The following DLGAP3 variants were observed in gnomAD, a reference collection of about 807,000 sequenced individuals.
DLGAP3 encodes DLG associated protein 3, also known as disks large-associated protein 3.
A neutral mutation model predicts 81.2 loss-of-function variants in DLGAP3; 17 were observed. That is an observed-to-expected ratio of 0.21 (90% confidence interval 0.14 to 0.31). The LOEUF (loss-of-function observed/expected upper bound fraction) is 0.31. Among genes scored for constraint, DLGAP3 ranks in the 10% least tolerant of loss-of-function variants. The pLI is 1.00. For synonymous variants in DLGAP3, 577 were observed against 587.4 expected, an observed-to-expected ratio of 0.98 and a Z score of 0.26; for missense variants, 1,124 against 1,388.0, an observed-to-expected ratio of 0.81 and a Z score of 3.02.
chr1:34,919,122 T>C (rs1639763012), intron 1 of DLGAP3, among the ~76,000 whole-genome samples: 1 of 151,832 alleles, frequency 6.6e-6, no homozygotes, highest in Non-Finnish European at 1.5e-5. Flanking sequence ...TGCAGCACCC[T>C]GGCCCCTAGC....
At position 34,925,411 on chromosome 1, in the gene DLGAP3, G is replaced by T. The variant is rs973094730; in HGVS notation, c.-135+4040C>A. 2.0e-5 allele frequency: 3 copies of T among 152,740 alleles called. No individual in the cohort carries two copies. The East Asian group carries it at 5.8e-4, about 30-fold the overall frequency. The allele number at this position is 152,740 out of a possible 1,614,324, so 9.5% of individuals were successfully genotyped here. The stretch of plus-strand genomic sequence containing the variant: ...AGCCCTGCAGACAGATGTGGTGGGG[G>T]GAGGCAGAGAGAGGTAGCTCCCCAC... On this transcript the variant is annotated intron_variant, in intron 1 of 11. Coordinates refer to ENST00000373347, the MANE Select transcript of DLGAP3 (RefSeq NM_001080418.3).
chr1:34,895,365 CA>C lies in DLGAP3; in HGVS notation c.1386+4303del, dbSNP rs547362741. On this transcript the variant is annotated intron_variant, in intron 5 of 11. Transcript: ENST00000373347. The surrounding 1 kb of genome is among the most constrained non-coding windows in gnomAD (Gnocchi z 4.5). ...CCTGGGCGACAGAGCGAGACTGTCT[CA>C]AAAAAAAAAAAAAATTAAAATAATA... 6.1e-3 allele frequency among the ~76,000 whole-genome samples: 527 copies of C among 86,946 alleles called. 2 individuals carry two copies. Among genetic ancestry groups the C allele is most frequent in the South Asian group, 0.025 (78 of 3,060 alleles). The allele number at this position is 86,946 out of a possible 152,430, so 57.0% of individuals were successfully genotyped here. A position where few individuals can be genotyped will look rare whatever the true frequency, so the allele number is the denominator to read the frequency against.
chr1:34,883,385 G>T (rs1288641661), intron 8 of DLGAP3, among the ~76,000 whole-genome samples: 1 of 152,190 alleles, frequency 6.6e-6, no homozygotes, highest in Non-Finnish European at 1.5e-5. Flanking sequence ...GGATTCAAGG[G>T]TTATTAGGAG....
chr1:34,900,284 AG>A lies in DLGAP3; in HGVS notation c.1108-12del. The stretch of plus-strand genomic sequence containing the variant: ...GTCATCTTGCGGCACCTGCAGGAAC[AG>A]GGGTCTCTGTCTCTCAGACATGACC... On this transcript the variant is annotated splice_polypyrimidine_tract_variant and intron_variant, in intron 3 of 11. Transcript: ENST00000373347. The surrounding 1 kb of genome is among the most constrained non-coding windows in gnomAD (Gnocchi z 5.6). 2 of 1,612,930 alleles carry A rather than the reference AG, an allele frequency of 1.2e-6. No homozygotes were observed. Among genetic ancestry groups the A allele is most frequent in the Non-Finnish European group, 1.7e-6 (2 of 1,179,390 alleles).
intron 1 of DLGAP3, among the ~76,000 whole-genome samples, chr1:34,916,451 T>C (rs781290715): frequency 1.3e-5 from 2 of 152,212 alleles, no homozygotes; most frequent in Non-Finnish European, 2.9e-5. Context: ...GCGCTTTAGA[T>C]GTTTTTCTTC....
At chr1:34,871,431 A>G (rs1328372925) in intron 8 of DLGAP3, among the ~76,000 whole-genome samples, 2 of 152,158 alleles carry the variant, frequency 1.3e-5, no homozygotes, top group African/African-American at 4.8e-5. Context: ...ACTCCTGAGT[A>G]CCACACCTCC....
At chr1:34,880,951 A>G (rs1639135828) in intron 8 of DLGAP3, among the ~76,000 whole-genome samples, 1 of 152,216 alleles carries the variant, frequency 6.6e-6, no homozygotes, top group African/African-American at 2.4e-5. Context: ...TCAGGCATAG[A>G]TAATTTTATA....
At chr1:34,877,253 CAAG>C (rs1252291493) in intron 8 of DLGAP3, among the ~76,000 whole-genome samples, 1 of 152,168 alleles carries the variant, frequency 6.6e-6, no homozygotes, top group Non-Finnish European at 1.5e-5. Flanking sequence ...AGTCGGCAGC[CAAG>C]AAGGTCTGTT....
At chr1:34,898,886 T>C (rs1439176528) in intron 5 of DLGAP3, among the ~76,000 whole-genome samples, 1 of 152,114 alleles carries the variant, frequency 6.6e-6, no homozygotes, top group Non-Finnish European at 1.5e-5. Context: ...TGCATACATT[T>C]TCTCACTGAA....
Position 34,886,324 on chromosome 1 carries a change from C to T in DLGAP3, c.1387-39G>A, listed in dbSNP as rs374857788. 8.6e-4 allele frequency: 1,303 copies of T among 1,520,402 alleles called. 16 individuals carry two copies. In the South Asian group the frequency reaches 0.015, roughly 18 times the overall value. 94.2% of individuals were successfully genotyped at this position (1,520,402 alleles called of 1,614,324 possible). ...GGTCGGGAGGACAGTTATAAGGTGC[C>T]GGGAGGGGGTGGAAGTCCCTGGGGT... On this transcript the variant is annotated intron_variant, in intron 5 of 11. Transcript: ENST00000373347.
At chr1:34,908,545 C>T (rs1639593298) in intron 1 of DLGAP3, among the ~76,000 whole-genome samples, 1 of 152,100 alleles carries the variant, frequency 6.6e-6, no homozygotes. Flanking sequence ...GAAGACGACT[C>T]TGAAGTTTGC....
chr1:34,872,084 G>A (rs949689006), intron 8 of DLGAP3, among the ~76,000 whole-genome samples: 2 of 152,118 alleles, frequency 1.3e-5, no homozygotes, highest in Admixed American at 6.5e-5. Flanking sequence ...TCCAAACCCC[G>A]GGAGAACACG....
chr1:34,879,993 A>G (rs1387448680), intron 8 of DLGAP3, among the ~76,000 whole-genome samples: 2 of 152,208 alleles, frequency 1.3e-5, no homozygotes, highest in Non-Finnish European at 1.5e-5. Context: ...AAAACAAAAA[A>G]CTAGTTTTTT....
At chr1:34,923,723 C>T (rs1414827005) in intron 1 of DLGAP3, among the ~76,000 whole-genome samples, 1 of 152,074 alleles carries the variant, frequency 6.6e-6, no homozygotes. Context: ...GCACCCACAG[C>T]AGAGGAAAAC....
At position 34,904,313 on chromosome 1, in the gene DLGAP3, C is replaced by T. The variant is rs775539165; in HGVS notation, c.1071G>A (p.Glu357=). The change falls in exon 3 of 12, where the codon GAG becomes GAA. Residue 357 remains glutamate (E), a synonymous_variant. Transcript: ENST00000373347. The surrounding 1 kb of genome is among the most constrained non-coding windows in gnomAD (Gnocchi z 8.1). Reference sequence around the variant, plus strand: ...GATAAGTCCTGGCTTTGGCCTTGGTCTCCGGACCCAGGAGCCCCTTGCCTG... The same window carrying T: ...GATAAGTCCTGGCTTTGGCCTTGGTTTCCGGACCCAGGAGCCCCTTGCCTG... ...AGPGKGLLGP[E]TKAKARTYHY... is the part of the protein sequence containing the mutation. The T allele has an allele frequency of 4.5e-5, 73 of 1,608,624 alleles. No individual in the cohort carries two copies. Among genetic ancestry groups the T allele is most frequent in the Non-Finnish European group, 6.0e-5 (71 of 1,180,028 alleles).
At position 34,895,108 on chromosome 1, in the gene DLGAP3, C is replaced by T. The variant is rs1203178619; in HGVS notation, c.1386+4561G>A. ...ATAGGCCAGGAGCATTGGCTCATGC[C>T]TGTAATCCCAGAACTTTGGGAGGCC... On this transcript the variant is annotated intron_variant, in intron 5 of 11. Transcript: ENST00000373347. This position sits in a 1 kb window ranked among gnomAD's most constrained non-coding sequence, Gnocchi z 4.5. Among the ~76,000 whole-genome samples, 1 of 152,114 alleles carries T rather than the reference C, an allele frequency of 6.6e-6. No individual in the cohort carries two copies. Among genetic ancestry groups the T allele is most frequent in the Non-Finnish European group, 1.5e-5 (1 of 68,022 alleles).
In DLGAP3 at chr1:34,929,327, C is replaced by T. The variant is rs1462551633; in HGVS notation, c.-135+124G>A. The stretch of plus-strand genomic sequence containing the variant: ...GCCCAGCCCCTCCCCCCTCCCGGGG[C>T]CGGGAGCCGAGCGCCGGAGCCCGGG... On this transcript the variant is annotated intron_variant, in intron 1 of 11. Transcript: ENST00000373347. This position sits in a 1 kb window ranked among gnomAD's most constrained non-coding sequence, Gnocchi z 6.5. The T allele has an allele frequency of 4.0e-5, 6 of 149,544 alleles. No homozygotes were observed. The South Asian group carries it at 1.2e-3, about 31-fold the overall frequency. 9.3% of individuals were successfully genotyped at this position (149,544 alleles called of 1,614,324 possible). A position where few individuals can be genotyped will look rare whatever the true frequency, so the allele number is the denominator to read the frequency against.
intron 1 of DLGAP3, among the ~76,000 whole-genome samples, chr1:34,918,241 G>C (rs1639746753): frequency 6.6e-6 from 1 of 152,186 alleles, no homozygotes; most frequent in South Asian, 2.1e-4. Flanking sequence ...GACACAGGGA[G>C]AGAGGAGAGG....
rs1490444045 is a variant in DLGAP3, at chr1:34,900,579, A to G, written c.1108-306T>C. Among the ~76,000 whole-genome samples the G allele has an allele frequency of 2.0e-5, 3 of 152,250 alleles. No individual in the cohort carries two copies. The highest frequency in any genetic ancestry group is 7.2e-5 in the African/African-American group (3 of 41,474). On this transcript the variant is annotated intron_variant, in intron 3 of 11. Coordinates refer to ENST00000373347, the MANE Select transcript of DLGAP3 (RefSeq NM_001080418.3). The surrounding 1 kb of genome is among the most constrained non-coding windows in gnomAD (Gnocchi z 5.6). ...AGTGACCTGTGTCAATCCCATGCCC[A>G]GCAGTCAGGCATCACCTGACCTCAG...
Sources: allele counts gnomAD v4.1 joint callset (sites outside exome capture counted in the v4.1 genomes callset), GRCh38; gene constraint gnomAD v4.1.1; non-coding constraint Gnocchi (gnomAD v3.1); transcripts MANE v1.5; gene names NCBI Gene and HGNC (gene_info 2026-07-23, HGNC 2026-07-21).